The following PML variants were observed in gnomAD, a reference collection of about 807,000 sequenced individuals.
PML encodes protein PML.
A neutral mutation model predicts 65.2 loss-of-function variants in PML; 28 were observed. The observed-to-expected ratio is 0.43, with a 90% CI of 0.32 to 0.59. The LOEUF (loss-of-function observed/expected upper bound fraction) is 0.59, where lower values mean the gene tolerates loss of function less well. PML is among the 20% of genes least tolerant of loss of function. The pLI is 0.08. For missense variants in PML, 1,021 were observed against 1,203.4 expected, an observed-to-expected ratio of 0.85 and a Z score of 2.24; for synonymous variants, 500 against 508.8, an observed-to-expected ratio of 0.98 and a Z score of 0.23.
chr15:74,042,943 G>T lies in PML; in HGVS notation c.1711-46G>T, dbSNP rs1264665780. ...TTGCTAGTGTTCTGCACAGGTGCTT[G>T]CCTTGGCCCTCTGAATCCCTGACGC... On this transcript the variant is annotated intron_variant, in intron 7 of 8. Coordinates refer to ENST00000268058, the MANE Select transcript of PML (RefSeq NM_033238.3). The surrounding 1 kb of genome is among the most constrained non-coding windows in gnomAD (Gnocchi z 5.3). 1.9e-6 allele frequency: 3 copies of T among 1,612,270 alleles called. No individual in the cohort carries two copies. The highest frequency in any genetic ancestry group is 1.7e-6 in the Non-Finnish European group (2 of 1,179,972).
chr15:74,033,300 A>G lies in PML; in HGVS notation c.1543A>G (p.Lys515Glu). 1 of 1,614,220 alleles carries G rather than the reference A, an allele frequency of 6.2e-7. No individual in the cohort carries two copies. Among genetic ancestry groups the G allele is most frequent in the Non-Finnish European group, 8.5e-7 (1 of 1,180,026 alleles). ...GGAGCAGCCCAGGCCCAGCACCTCC[A>G]AGGCAGTCTCACCACCCCACCTGGA... ...SPEQPRPSTS[K>E]AVSPPHLDGP... Residue 515 changes from lysine to glutamate, a missense_variant, in exon 6 of 9, where the codon AAG (lysine) becomes GAG (glutamate). Physicochemically the swap from Lys to Glu is moderately conservative, Grantham distance 56. Coordinates refer to ENST00000268058, the MANE Select transcript of PML (RefSeq NM_033238.3).
At chr15:74,038,861 CTGTT>C (rs528714807) in intron 7 of PML, among the ~76,000 whole-genome samples, 7 of 152,306 alleles carry the variant, frequency 4.6e-5, no homozygotes, top group East Asian at 3.9e-4. Flanking sequence ...CAGTGAGAGA[CTGTT>C]TGTGCAAGAA....
chr15:74,014,770 G>GA (rs1480737067), intron 2 of PML, among the ~76,000 whole-genome samples: 5 of 151,380 alleles, frequency 3.3e-5, no homozygotes, highest in Non-Finnish European at 4.4e-5. Context: ...TCAAAAAAAA[G>GA]AAAAAAAAGA....
intron 2 of PML, among the ~76,000 whole-genome samples, chr15:74,012,357 G>A (rs1023484240): frequency 6.6e-6 from 1 of 152,206 alleles, no homozygotes; most frequent in South Asian, 2.1e-4. Context: ...TGTGTTTTTA[G>A]TAGAGACAGG....
chr15:73,995,706 G>T (rs12911485), intron 1 of PML, among the ~76,000 whole-genome samples: 79,691 of 151,446 alleles, frequency 0.53, 21,207 homozygotes, highest in Non-Finnish European at 0.58. Context: ...AAGCACTTTG[G>T]TTTTTTTTTG....
intron 2 of PML, among the ~76,000 whole-genome samples, chr15:74,000,340 C>G (rs1029098258): frequency 2.0e-5 from 3 of 150,820 alleles, no homozygotes; most frequent in Non-Finnish European, 3.0e-5. Context: ...GGGTCTTGCT[C>G]TGTCGCCCAG....
At chr15:74,040,534 T>C (rs1222266589) in intron 7 of PML, among the ~76,000 whole-genome samples, 1 of 152,180 alleles carries the variant, frequency 6.6e-6, no homozygotes, top group Non-Finnish European at 1.5e-5. Flanking sequence ...GGGAGTATGT[T>C]CTGCACCAGG....
At position 74,035,776 on chromosome 15, in the gene PML, G is replaced by A; in HGVS notation, c.1710+1246G>A. 2 of 1,614,096 alleles carry A rather than the reference G, an allele frequency of 1.2e-6. No individual in the cohort carries two copies. Among genetic ancestry groups the A allele is most frequent in the Non-Finnish European group, 8.5e-7 (1 of 1,180,004 alleles). On this transcript the variant is annotated intron_variant, in intron 7 of 8. Coordinates refer to ENST00000268058, the MANE Select transcript of PML (RefSeq NM_033238.3). This position sits in a 1 kb window ranked among gnomAD's most constrained non-coding sequence, Gnocchi z 4.1. ...TCTTCCGTGGTGGGGGCAGGGGAAAGCAGAGCCCAGACTCTTGGAGCAGGT... is the reference window on the plus strand; with the variant it reads ...TCTTCCGTGGTGGGGGCAGGGGAAAACAGAGCCCAGACTCTTGGAGCAGGT...
chr15:74,014,248 C>A (rs1191537602), intron 2 of PML, among the ~76,000 whole-genome samples: 1 of 152,182 alleles, frequency 6.6e-6, no homozygotes, highest in Non-Finnish European at 1.5e-5. Flanking sequence ...GTGGGAACTG[C>A]TGGGACAGGT....
intron 4 of PML, 177 bp from the exon 5 acceptor site, chr15:74,032,395 T>C: frequency 1.5e-6 from 1 of 655,246 alleles, no homozygotes; most frequent in East Asian, 2.7e-5. Context: ...AAAAAGGAGG[T>C]GATGTGATGG....
chr15:74,046,156 T>G lies in PML; in HGVS notation c.*1148T>G. On this transcript the variant is annotated 3_prime_UTR_variant, in exon 9 of 9. Coordinates refer to ENST00000268058, the MANE Select transcript of PML (RefSeq NM_033238.3). Reference sequence around the variant, plus strand: ...GGCCATCTGGCTGTGCCATCCTGCATTTTTAGGAATGGAAAGCAGGCCTCT... The same window carrying G: ...GGCCATCTGGCTGTGCCATCCTGCAGTTTTAGGAATGGAAAGCAGGCCTCT... The G allele has an allele frequency of 4.3e-6, 1 of 233,000 alleles. No individual in the cohort carries two copies. Among genetic ancestry groups the G allele is most frequent in the Non-Finnish European group, 8.5e-6 (1 of 117,872 alleles). The allele number at this position is 233,000 out of a possible 1,614,324, so 14.4% of individuals were successfully genotyped here. A position where few individuals can be genotyped will look rare whatever the true frequency, so the allele number is the denominator to read the frequency against.
intron 2 of PML, among the ~76,000 whole-genome samples, chr15:74,013,088 A>G (rs2070407219): frequency 6.6e-6 from 1 of 152,148 alleles, no homozygotes; most frequent in Non-Finnish European, 1.5e-5. Flanking sequence ...AAATTTATTA[A>G]TTTAACCAAG....
At chr15:74,005,528 G>A (rs981474808) in intron 2 of PML, among the ~76,000 whole-genome samples, 3 of 150,592 alleles carry the variant, frequency 2.0e-5, no homozygotes, top group African/African-American at 7.3e-5. Context: ...TCTTTTCGCC[G>A]CTGACTCCAT....
intron 2 of PML, among the ~76,000 whole-genome samples, chr15:74,006,390 C>CAAAAAAAAA (rs372202858): frequency 1.1e-5 from 1 of 87,532 alleles, no homozygotes; most frequent in Non-Finnish European, 2.1e-5. Flanking sequence ...GACTCCGTCT[C>CAAAAAAAAA]AAAAAAAAAA....
At chr15:74,025,349 A>C in intron 4 of PML, 1 of 217,294 alleles carries the variant, frequency 4.6e-6, no homozygotes, top group South Asian at 7.4e-5. Context: ...CCCCTCCTAC[A>C]CCCTACCCCC....
At chr15:74,001,576 A>G (rs1279011809) in intron 2 of PML, among the ~76,000 whole-genome samples, 1 of 152,052 alleles carries the variant, frequency 6.6e-6, no homozygotes, top group Non-Finnish European at 1.5e-5. Flanking sequence ...CCTGGCCTCA[A>G]GTGATCCACC....
At chr15:74,036,876 C>T in intron 7 of PML, 1 of 942,488 alleles carries the variant, frequency 1.1e-6, no homozygotes, top group South Asian at 4.9e-5. Flanking sequence ...ACTGTCGGTC[C>T]CTCAGCCGGT....
chr15:74,042,718 T>C lies in PML; in HGVS notation c.1711-271T>C, dbSNP rs145554839. 789 of 985,390 alleles carry C rather than the reference T, an allele frequency of 8.0e-4. 4 individuals carry two copies. In the African/African-American group the frequency reaches 0.012, roughly 15 times the overall value. 61.0% of individuals were successfully genotyped at this position (985,390 alleles called of 1,614,324 possible). A position where few individuals can be genotyped will look rare whatever the true frequency, so the allele number is the denominator to read the frequency against. ...TAGCACTTGGATTCATTCCCACACA[T>C]GCACGTTCACAACCTGTGTGTGTCA... is the stretch of plus-strand genomic sequence containing the variant. On this transcript the variant is annotated intron_variant, in intron 7 of 8. Transcript: ENST00000268058. The surrounding 1 kb of genome is among the most constrained non-coding windows in gnomAD (Gnocchi z 5.3).
At chr15:74,030,795 C>A (rs919259126) in intron 4 of PML, among the ~76,000 whole-genome samples, 59 of 152,000 alleles carry the variant, frequency 3.9e-4, no homozygotes, top group Admixed American at 3.3e-3. Flanking sequence ...TAGTACGGTA[C>A]CTACTTTTTT....
Sources: allele counts gnomAD v4.1 joint callset (sites outside exome capture counted in the v4.1 genomes callset), GRCh38; gene constraint gnomAD v4.1.1; non-coding constraint Gnocchi (gnomAD v3.1); transcripts MANE v1.5; gene names NCBI Gene and HGNC (gene_info 2026-07-23, HGNC 2026-07-21).